Variants in PDE1A observed in about 807,000 individuals in gnomAD.
The protein encoded by PDE1A is phosphodiesterase 1A.
PDE1A carries 35 observed loss-of-function variants against 61.7 expected under a neutral mutation model. The ratio of observed to expected loss-of-function variants is 0.57; its 90% CI spans 0.43 to 0.75. The LOEUF is 0.75. PDE1A is among the 30% of genes least tolerant of loss of function. The probability of loss-of-function intolerance (pLI) is 0.00; values close to 1 mark genes in which losing one functional copy is unlikely to be tolerated. For missense variants in PDE1A, 597 were observed against 630.6 expected, an observed-to-expected ratio of 0.95 and a Z score of 0.57; for synonymous variants, 232 against 213.2, an observed-to-expected ratio of 1.09 and a Z score of -0.77.
At chr2:182,295,757 T>A (rs1694841423) in intron 1 of PDE1A, among the ~76,000 whole-genome samples, 1 of 152,126 alleles carries the variant, frequency 6.6e-6, no homozygotes, top group Admixed American at 6.5e-5. Context: ...ATAAAATATA[T>A]ATATACTGAG....
chr2:182,495,317 C>G (rs772211702), intron 2 of PDE1A, among the ~76,000 whole-genome samples: 8 of 152,110 alleles, frequency 5.3e-5, no homozygotes, highest in Non-Finnish European at 1.2e-4. Context: ...TCGATACAGA[C>G]CAGAGGAGGC....
the PDE1A span, among the ~76,000 whole-genome samples, chr2:182,688,767 C>T: frequency 2.6e-5 from 4 of 152,148 alleles, no homozygotes; most frequent in Non-Finnish European, 4.4e-5. Flanking sequence ...CATCAGTCTG[C>T]TGTATTCAGG....
At chr2:182,343,990 C>T (rs1240480331) in intron 1 of PDE1A, among the ~76,000 whole-genome samples, 2 of 151,800 alleles carry the variant, frequency 1.3e-5, no homozygotes, top group Non-Finnish European at 2.9e-5. Context: ...CCTATCTCAG[C>T]TTCCCAAGTA....
chr2:182,278,187 T>C (rs1358208957), intron 1 of PDE1A, among the ~76,000 whole-genome samples: 1 of 152,008 alleles, frequency 6.6e-6, no homozygotes, highest in African/African-American at 2.4e-5. Flanking sequence ...AGACAAGCAC[T>C]AGTCTGAAAA....
At chr2:182,289,189 G>C (rs780257193) in intron 1 of PDE1A, among the ~76,000 whole-genome samples, 3 of 151,920 alleles carry the variant, frequency 2.0e-5, no homozygotes, top group Non-Finnish European at 1.5e-5. Context: ...TTCTTTTTCT[G>C]TTCGTTTAGA....
At chr2:182,575,975 CTAAT>C in the PDE1A span, among the ~76,000 whole-genome samples, 28 of 146,918 alleles carry the variant, frequency 1.9e-4, no homozygotes, top group East Asian at 2.0e-3. Flanking sequence ...AATACTAATA[CTAAT>C]TAATTAATTA....
the PDE1A span, among the ~76,000 whole-genome samples, chr2:182,645,071 A>C: frequency 1.3e-5 from 2 of 148,622 alleles, no homozygotes; most frequent in African/African-American, 2.5e-5. Flanking sequence ...CCGCAAGCTC[A>C]GCCTCCTGGG....
chr2:182,281,177 A>G (rs1029012989), intron 1 of PDE1A, among the ~76,000 whole-genome samples: 2 of 151,882 alleles, frequency 1.3e-5, no homozygotes, highest in African/African-American at 4.8e-5. Flanking sequence ...AGTCATTTTC[A>G]TTTTTTAATT....
chr2:182,502,078 C>A (rs1409725348), intron 2 of PDE1A, among the ~76,000 whole-genome samples: 1 of 152,166 alleles, frequency 6.6e-6, no homozygotes, highest in Non-Finnish European at 1.5e-5. Flanking sequence ...CAGCCACACT[C>A]CTCTCAGGTG....
intron 1 of PDE1A, among the ~76,000 whole-genome samples, chr2:182,395,937 T>C (rs1338508639): frequency 6.6e-6 from 1 of 152,194 alleles, no homozygotes; most frequent in African/African-American, 2.4e-5. Flanking sequence ...GAACTTCCTA[T>C]CATGAACTTG....
intron 1 of PDE1A, among the ~76,000 whole-genome samples, chr2:182,378,992 A>G (rs1349417498): frequency 1.3e-5 from 2 of 152,358 alleles, no homozygotes. Context: ...CAAGGGCAAC[A>G]TGAAACAAGT....
At chr2:182,400,116 T>C (rs1701918782) in intron 1 of PDE1A, among the ~76,000 whole-genome samples, 1 of 152,202 alleles carries the variant, frequency 6.6e-6, no homozygotes, top group Non-Finnish European at 1.5e-5. Flanking sequence ...TTAAGATTTT[T>C]ACATATTTAT....
the PDE1A span, among the ~76,000 whole-genome samples, chr2:182,610,431 G>A: frequency 6.6e-6 from 1 of 152,132 alleles, no homozygotes; most frequent in Admixed American, 6.5e-5. Flanking sequence ...AATCATGGAG[G>A]TGGTGCTCTC....
the PDE1A span, among the ~76,000 whole-genome samples, chr2:182,633,196 A>C: frequency 6.6e-6 from 1 of 152,228 alleles, no homozygotes; most frequent in African/African-American, 2.4e-5. Flanking sequence ...GCACAACATG[A>C]ATAAGATTTT....
At chr2:182,214,688 AG>A (rs1232413064) in intron 7 of PDE1A, among the ~76,000 whole-genome samples, 1 of 145,664 alleles carries the variant, frequency 6.9e-6, no homozygotes, top group East Asian at 2.1e-4. Flanking sequence ...ATAATGGTAA[AG>A]GGATCAATTC....
intron 2 of PDE1A, among the ~76,000 whole-genome samples, chr2:182,246,775 T>A (rs1691007071): frequency 6.6e-6 from 1 of 152,050 alleles, no homozygotes; most frequent in Admixed American, 6.6e-5. Flanking sequence ...GTCCACTGGT[T>A]GGTTTGTTCA....
intron 2 of PDE1A, among the ~76,000 whole-genome samples, chr2:182,449,821 G>A (rs1420554200): frequency 6.6e-6 from 1 of 151,970 alleles, no homozygotes; most frequent in Non-Finnish European, 1.5e-5. Flanking sequence ...TACTAAAATA[G>A]GCTTGAGAAT....
the PDE1A span, among the ~76,000 whole-genome samples, chr2:182,564,793 T>C: frequency 6.6e-6 from 1 of 152,204 alleles, no homozygotes; most frequent in Non-Finnish European, 1.5e-5. Flanking sequence ...CTCGCTTCAT[T>C]TCACTCATTT....
At chr2:182,627,242 A>AATATAAATATTATTTAT in the PDE1A span, among the ~76,000 whole-genome samples, 1 of 52,908 alleles carries the variant, frequency 1.9e-5, no homozygotes, top group African/African-American at 7.9e-5. Flanking sequence ...TTATATATAA[A>AATATAAATATTATTTAT]ATATAAATAA....
Sources: gnomAD v4.1 joint callset for allele counts (sites outside exome capture counted in the v4.1 genomes callset) on GRCh38, gnomAD v4.1.1 for gene constraint, MANE v1.5 for transcripts, NCBI Gene and HGNC (gene_info 2026-07-23, HGNC 2026-07-21) for gene names.